Variants in DISP3 observed in about 807,000 individuals in gnomAD.
The protein encoded by DISP3 is protein dispatched homolog 3.
In DISP3, 101 loss-of-function variants were observed where a neutral mutation model predicts 135.3. The observed-to-expected ratio is 0.75, with a 90% CI of 0.64 to 0.88. The LOEUF is 0.88. DISP3 is among the 40% of genes least tolerant of loss of function. The probability of loss-of-function intolerance (pLI) is 0.00; values close to 1 mark genes in which losing one functional copy is unlikely to be tolerated. For synonymous variants in DISP3, 856 were observed against 817.0 expected (o/e 1.05, Z -0.81); for missense variants, 1,713 against 1,878.6 (o/e 0.91, Z 1.63).
chr1:11,479,783 TGCTA>T (rs1424427778), intron 1 of DISP3, among the ~76,000 whole-genome samples: 1 of 152,196 alleles, frequency 6.6e-6, no homozygotes, highest in Non-Finnish European at 1.5e-5. Context: ...CTCTCGCCCA[TGCTA>T]GAGCGGAGGG....
At chr1:11,513,613 G>A (rs903103579) in intron 3 of DISP3, among the ~76,000 whole-genome samples, 5 of 151,808 alleles carry the variant, frequency 3.3e-5, no homozygotes. Flanking sequence ...CAGTTTTTTT[G>A]TGCTGGGGCT....
chr1:11,509,491 T>G (rs1468478582), intron 3 of DISP3, among the ~76,000 whole-genome samples: 2 of 152,314 alleles, frequency 1.3e-5, no homozygotes, highest in Non-Finnish European at 2.9e-5. Context: ...GAGAGAGAGA[T>G]ATTGAAATAT....
intron 1 of DISP3, among the ~76,000 whole-genome samples, chr1:11,479,645 A>G (rs1045692843): frequency 5.3e-5 from 8 of 152,190 alleles, no homozygotes; most frequent in African/African-American, 1.9e-4. Context: ...TTGGTCGGCC[A>G]AGGGGAGTTG....
In DISP3 at chr1:11,499,937, A is replaced by G. The variant is rs1035657121; in HGVS notation, c.-3-1053A>G. 1.3e-5 allele frequency among the ~76,000 whole-genome samples: 2 copies of G among 152,258 alleles called. No homozygotes were observed. Among genetic ancestry groups the G allele is most frequent in the Non-Finnish European group, 2.9e-5 (2 of 68,046 alleles). On this transcript the variant is annotated intron_variant, in intron 1 of 20. Transcript: ENST00000294484. The surrounding 1 kb of genome is among the most constrained non-coding windows in gnomAD (Gnocchi z 5.2). ...TTCCTCCTCTTACCGCCTAGCATCTAACTGGATAATGAGTCTCTCTCTGTC... is the reference window on the plus strand; with the variant it reads ...TTCCTCCTCTTACCGCCTAGCATCTGACTGGATAATGAGTCTCTCTCTGTC...
chr1:11,515,950 C>T, intron 5 of DISP3, 51 bp from the exon 6 acceptor site: 1 of 1,595,336 alleles, frequency 6.3e-7, no homozygotes, highest in Non-Finnish European at 8.6e-7. Flanking sequence ...TGGGCCTAAT[C>T]CTGGAGACAG....
At chr1:11,523,352 T>A (rs547780119) in intron 10 of DISP3, among the ~76,000 whole-genome samples, 6 of 152,252 alleles carry the variant, frequency 3.9e-5, no homozygotes, top group African/African-American at 1.4e-4. Context: ...GTCACTCCTG[T>A]TAATTGGATG....
intron 15 of DISP3, 101 bp downstream of exon 15, chr1:11,530,060 C>G: frequency 6.8e-7 from 1 of 1,475,208 alleles, no homozygotes; most frequent in Non-Finnish European, 9.1e-7. Flanking sequence ...CACACCCCCT[C>G]TTGGCTCCTC....
rs1037829121 is a variant in DISP3 at position 11,531,181 on chromosome 1, C to T, written c.3229+148C>T. On this transcript the variant is annotated intron_variant, in intron 16 of 20. Coordinates refer to ENST00000294484, the MANE Select transcript of DISP3 (RefSeq NM_020780.2). This position sits in a 1 kb window ranked among gnomAD's most constrained non-coding sequence, Gnocchi z 5.2. Reference sequence around the variant, plus strand: ...GATGTGTATCTGTGCTGAGCATGTCCACACCAGGGTGGGGTGTGTGCCGGC... The same window carrying T: ...GATGTGTATCTGTGCTGAGCATGTCTACACCAGGGTGGGGTGTGTGCCGGC... 4.5e-6 allele frequency: 6 copies of T among 1,330,456 alleles called. No homozygotes were observed. In the African/African-American group the frequency reaches 8.8e-5, roughly 19 times the overall value. 82.4% of individuals were successfully genotyped at this position (1,330,456 alleles called of 1,614,324 possible). A position where few individuals can be genotyped will look rare whatever the true frequency, so the allele number is the denominator to read the frequency against.
intron 17 of DISP3, among the ~76,000 whole-genome samples, chr1:11,534,027 G>A (rs1642642565): frequency 6.6e-6 from 1 of 152,214 alleles, no homozygotes; most frequent in Non-Finnish European, 1.5e-5. Flanking sequence ...ATCAAGGAAG[G>A]CTTCCTGGAG....
chr1:11,515,591 C>G, intron 5 of DISP3, 88 bp downstream of exon 5: 1 of 1,510,238 alleles, frequency 6.6e-7, no homozygotes, highest in Non-Finnish European at 8.9e-7. Context: ...AGCCTGGCTT[C>G]CCTGGGGGCT....
chr1:11,536,439 T>A lies in DISP3; in HGVS notation c.3932T>A (p.Ile1311Asn), dbSNP rs765348989. ...VIATVPLFFCIIAPFAKFGKI... is the reference protein window; with the variant it reads ...VIATVPLFFCNIAPFAKFGKI... The stretch of plus-strand genomic sequence containing the variant: ...GCCACAGTGCCCCTCTTCTTCTGCA[T>A]CATCGCCCCATTTGCCAAGTTCGGC... The change falls in exon 21 of 21, where the codon ATC becomes AAC. Residue 1311 changes from isoleucine (I) to asparagine (N), a missense_variant. Around this residue, in one of 2 missense-constraint regions of DISP3, gnomAD observed 1,142 missense variants for 1,384.6 expected, o/e 0.82. Coordinates refer to ENST00000294484, the MANE Select transcript of DISP3 (RefSeq NM_020780.2). The surrounding 1 kb of genome is among the most constrained non-coding windows in gnomAD (Gnocchi z 4.3). 1 of 1,613,588 alleles carries A rather than the reference T, an allele frequency of 6.2e-7. No individual in the cohort carries two copies. The highest frequency in any genetic ancestry group is 1.1e-5 in the South Asian group (1 of 91,090).
intron 3 of DISP3, among the ~76,000 whole-genome samples, chr1:11,508,980 A>G (rs1232179679): frequency 6.6e-6 from 1 of 152,088 alleles, no homozygotes; most frequent in African/African-American, 2.4e-5. Flanking sequence ...CTACTTTCTT[A>G]AAGTAGAAGC....
intron 1 of DISP3, among the ~76,000 whole-genome samples, chr1:11,496,782 G>A (rs1359174735): frequency 6.6e-6 from 1 of 152,212 alleles, no homozygotes; most frequent in Non-Finnish European, 1.5e-5. Context: ...AGACTGGGAG[G>A]TGGGAAGGGC....
intron 1 of DISP3, among the ~76,000 whole-genome samples, chr1:11,496,994 A>G (rs1641353614): frequency 6.6e-6 from 1 of 152,126 alleles, no homozygotes; most frequent in South Asian, 2.1e-4. Flanking sequence ...GGCACTTTTC[A>G]TGTTGGGGGC....
At chr1:11,521,498 T>G (rs922328972) in intron 10 of DISP3, among the ~76,000 whole-genome samples, 53 of 16,618 alleles carry the variant, frequency 3.2e-3, no homozygotes, top group Non-Finnish European at 3.4e-3. Context: ...AGGGAAAGGG[T>G]GGGGTTAGCC....
intron 10 of DISP3, among the ~76,000 whole-genome samples, chr1:11,521,426 T>G: frequency 1.4e-5 from 1 of 73,086 alleles, no homozygotes; most frequent in Non-Finnish European, 2.6e-5. Context: ...GGGAAGGGGT[T>G]AGCCAGGCTG....
At chr1:11,485,269 T>C (rs1641006772) in intron 1 of DISP3, among the ~76,000 whole-genome samples, 1 of 152,166 alleles carries the variant, frequency 6.6e-6, no homozygotes, top group South Asian at 2.1e-4. Flanking sequence ...GAAGGTTTCC[T>C]GTAGGTGTTG....
Position 11,536,968 on chromosome 1 carries a change from A to G in DISP3, c.*282A>G. The G allele has an allele frequency of 4.2e-6, 2 of 471,772 alleles. No homozygotes were observed. The highest frequency in any genetic ancestry group is 1.9e-5 in the African/African-American group (1 of 51,360). The allele number at this position is 471,772 out of a possible 1,614,324, so 29.2% of individuals were successfully genotyped here. On this transcript the variant is annotated 3_prime_UTR_variant, in exon 21 of 21. Transcript: ENST00000294484. The surrounding 1 kb of genome is among the most constrained non-coding windows in gnomAD (Gnocchi z 4.3). ...AGCCCTCCTCCCATGCCCGGTCACCATGGGGGTCAGGTTATTTTTGTAGGG... is the reference window on the plus strand; with the variant it reads ...AGCCCTCCTCCCATGCCCGGTCACCGTGGGGGTCAGGTTATTTTTGTAGGG...
chr1:11,498,641 G>A (rs1219377617), intron 1 of DISP3, among the ~76,000 whole-genome samples: 1 of 152,150 alleles, frequency 6.6e-6, no homozygotes, highest in Non-Finnish European at 1.5e-5. Context: ...AGATATTGTT[G>A]CAGCCATCTT....
Sources: allele counts gnomAD v4.1 joint callset (sites outside exome capture counted in the v4.1 genomes callset), GRCh38; gene constraint gnomAD v4.1.1; regional missense constraint gnomAD v4.1.1; non-coding constraint Gnocchi (gnomAD v3.1); transcripts MANE v1.5; gene names NCBI Gene and HGNC (gene_info 2026-07-23, HGNC 2026-07-21).